ACSM2A: variants seen among roughly 807,000 people sequenced by gnomAD.
ACSM2A encodes the protein acyl-coenzyme A synthetase ACSM2A, mitochondrial.
A neutral mutation model predicts 76.6 loss-of-function variants in ACSM2A; 72 were observed. The observed-to-expected ratio is 0.94, with a 90% confidence interval of 0.78 to 1.14. ACSM2A has a LOEUF of 1.14. Among genes scored for constraint, ACSM2A ranks in the 50% most tolerant of loss-of-function variants. The pLI is 0.00. For synonymous variants in ACSM2A, 249 were observed against 255.9 expected (o/e 0.97, Z 0.26); for missense variants, 684 against 708.5 (o/e 0.97, Z 0.39).
intron 1 of ACSM2A, chr16:20,452,616 A>G (rs957532501): frequency 7.6e-6 from 1 of 130,730 alleles, no homozygotes; most frequent in African/African-American, 3.1e-5. Context: ...TATAAAATAT[A>G]TATATTCCAT....
chr16:20,453,817 T>C (rs1456060702), intron 1 of ACSM2A: 1 of 128,682 alleles, frequency 7.8e-6, no homozygotes, highest in African/African-American at 3.2e-5. Flanking sequence ...GTTTGTCTTA[T>C]GCGGTTGAGA....
chr16:20,478,072 T>C (rs1179702974), intron 9 of ACSM2A, among the ~76,000 whole-genome samples: 1 of 152,238 alleles, frequency 6.6e-6, no homozygotes, highest in Non-Finnish European at 1.5e-5. Context: ...ATCCAGTTAC[T>C]TGCCATGCCA....
chr16:20,455,915 C>T (rs1030797072), intron 1 of ACSM2A, among the ~76,000 whole-genome samples: 3 of 151,200 alleles, frequency 2.0e-5, no homozygotes, highest in Non-Finnish European at 4.4e-5. Context: ...ACTCATCTAA[C>T]ACAAGAACTC....
intron 1 of ACSM2A, among the ~76,000 whole-genome samples, chr16:20,459,090 G>T (rs1252577483): frequency 2.0e-5 from 3 of 151,514 alleles, no homozygotes; most frequent in African/African-American, 7.3e-5. Flanking sequence ...GTGGGAGCTA[G>T]GGTATACATT....
chr16:20,459,479 A>G (rs547841474), intron 1 of ACSM2A, among the ~76,000 whole-genome samples: 1 of 152,270 alleles, frequency 6.6e-6, no homozygotes, highest in East Asian at 1.9e-4. Context: ...ATTTTCCCCT[A>G]TGGGTCTGTG....
At chr16:20,458,678 A>T (rs2012364380) in intron 1 of ACSM2A, among the ~76,000 whole-genome samples, 1 of 141,346 alleles carries the variant, frequency 7.1e-6, no homozygotes, top group Non-Finnish European at 1.5e-5. Flanking sequence ...ATATATCTAT[A>T]TATCTCTATA....
intron 9 of ACSM2A, 113 bp from the exon 10 acceptor site, chr16:20,478,463 A>T: frequency 1.6e-6 from 2 of 1,232,698 alleles, no homozygotes; most frequent in Non-Finnish European, 2.2e-6. Context: ...TGTTGTTTTC[A>T]GTCTCCACTA....
intron 2 of ACSM2A, among the ~76,000 whole-genome samples, chr16:20,461,817 G>A (rs993652705): frequency 6.6e-6 from 1 of 152,148 alleles, no homozygotes; most frequent in African/African-American, 2.4e-5. Context: ...AGAAAAAATA[G>A]TTTAATTATC....
chr16:20,470,727 T>C, intron 4 of ACSM2A: 1 of 478,232 alleles, frequency 2.1e-6, no homozygotes, highest in Non-Finnish European at 4.1e-6. Flanking sequence ...ACAATTAGAT[T>C]AGCATTTATT....
chr16:20,469,870 G>A, intron 4 of ACSM2A, 151 bp downstream of exon 4: 1 of 616,412 alleles, frequency 1.6e-6, no homozygotes, highest in Non-Finnish European at 2.4e-6. Flanking sequence ...TAACACAAGG[G>A]TATTTTTTTT....
intron 8 of ACSM2A, chr16:20,476,440 A>C (rs1462485407): frequency 1.0e-6 from 1 of 985,338 alleles, no homozygotes; most frequent in Admixed American, 6.2e-5. Flanking sequence ...TTCTTTGGCT[A>C]ATGAGTACCC....
intron 3 of ACSM2A, 103 bp from the exon 4 acceptor site, chr16:20,469,409 T>A (rs1452106965): frequency 2.6e-6 from 4 of 1,553,446 alleles, no homozygotes; most frequent in Non-Finnish European, 1.7e-6. Flanking sequence ...TACTTCCTCA[T>A]CCTCTCCTTC....
intron 1 of ACSM2A, among the ~76,000 whole-genome samples, chr16:20,454,394 G>T (rs1169608788): frequency 6.6e-6 from 1 of 151,860 alleles, no homozygotes; most frequent in Non-Finnish European, 1.5e-5. Context: ...AACTTTTTTT[G>T]CCAGAAGAAA....
At position 20,469,336 on chromosome 16, in the gene ACSM2A, C is replaced by T. The variant is rs753072474; in HGVS notation, c.389-176C>T. Reference sequence around the variant, plus strand: ...TTAAGACTCTGACAACCCAGGGAATCCTAGGTTTCATTCACTCCCTTGTCC... The same window carrying T: ...TTAAGACTCTGACAACCCAGGGAATTCTAGGTTTCATTCACTCCCTTGTCC... On this transcript the variant is annotated intron_variant, in intron 3 of 13. Transcript: ENST00000573854. 2.2e-4 allele frequency among the ~76,000 whole-genome samples: 34 copies of T among 152,058 alleles called. 1 individual carries two copies. The highest frequency in any genetic ancestry group is 2.2e-3 in the Admixed American group (34 of 15,264).
chr16:20,456,850 G>T (rs2012190914), intron 1 of ACSM2A, among the ~76,000 whole-genome samples: 1 of 147,184 alleles, frequency 6.8e-6, no homozygotes, highest in South Asian at 2.1e-4. Context: ...AAAGATAAAT[G>T]AAACAAAATC....
In ACSM2A at chr16:20,486,672, G is replaced by T. The variant is rs200994305; in HGVS notation, c.1728G>T (p.Ala576=). Residue 576 remains alanine (A), a synonymous_variant, in exon 14 of 14, where the codon GCG becomes GCT. Coordinates refer to ENST00000573854, the MANE Select transcript of ACSM2A (RefSeq NM_001308172.2). ...GGAAGATGTCCGGAAAAGCCCGTGC[G>T]CAGTGAGACATCTAAGAGACATTCA... The part of the protein sequence containing the change: ...KEWKMSGKAR[A]Q 3 of 1,613,996 alleles carry T rather than the reference G, an allele frequency of 1.9e-6. No individual in the cohort carries two copies. The highest frequency in any genetic ancestry group is 2.2e-5 in the South Asian group (2 of 91,070).
chr16:20,470,885 C>G (rs927312263), intron 4 of ACSM2A, 188 bp from the exon 5 acceptor site: 22 of 837,166 alleles, frequency 2.6e-5, no homozygotes, highest in African/African-American at 1.7e-4. Context: ...TGTGAAACTT[C>G]AGTAGTTTTC....
chr16:20,486,652 A>G lies in ACSM2A; in HGVS notation c.1708A>G (p.Met570Val), dbSNP rs1254762130. 6.2e-7 allele frequency: 1 copy of G among 1,614,184 alleles called. No individual in the cohort carries two copies. The highest frequency in any genetic ancestry group is 1.7e-5 in the Admixed American group (1 of 60,022). The change falls in exon 14 of 14, where the codon ATG (methionine) becomes GTG (valine). Residue 570 changes from methionine to valine, a missense_variant. Coordinates refer to ENST00000573854, the MANE Select transcript of ACSM2A (RefSeq NM_001308172.2). ...CAAGCTTCGAGACAAGGAGTGGAAGATGTCCGGAAAAGCCCGTGCGCAGTG... is the reference window on the plus strand; with the variant it reads ...CAAGCTTCGAGACAAGGAGTGGAAGGTGTCCGGAAAAGCCCGTGCGCAGTG... Reference protein sequence around the residue: ...RAKLRDKEWKMSGKARAQ With the variant: ...RAKLRDKEWKVSGKARAQ
At chr16:20,468,031 C>T (rs2013121356) in intron 3 of ACSM2A, among the ~76,000 whole-genome samples, 1 of 151,864 alleles carries the variant, frequency 6.6e-6, no homozygotes, top group Admixed American at 6.6e-5. Flanking sequence ...ATGAATGCAG[C>T]CAGGAATTAG....
Sources: gnomAD v4.1 joint callset for allele counts (sites outside exome capture counted in the v4.1 genomes callset) on GRCh38, gnomAD v4.1.1 for gene constraint, MANE v1.5 for transcripts, NCBI Gene and HGNC (gene_info 2026-07-23, HGNC 2026-07-21) for gene names.